Variants in TMTC1 observed in about 807,000 individuals in gnomAD.
TMTC1 encodes the protein protein O-mannosyl-transferase TMTC1.
TMTC1 carries 73 observed loss-of-function variants against 104.8 expected under a neutral mutation model. That is an observed-to-expected ratio of 0.70 (90% CI 0.58 to 0.85). The LOEUF (loss-of-function observed/expected upper bound fraction) is 0.85, where lower values mean the gene tolerates loss of function less well. Ranked by LOEUF, TMTC1 falls within the 40% of genes least tolerant of loss-of-function variation. The probability of loss-of-function intolerance (pLI) is 0.00; values close to 1 mark genes in which losing one functional copy is unlikely to be tolerated. For synonymous variants in TMTC1, 434 were observed against 428.7 expected (o/e 1.01, Z -0.15); for missense variants, 1,035 against 1,096.1 (o/e 0.94, Z 0.79).
intron 2 of TMTC1, among the ~76,000 whole-genome samples, chr12:29,767,197 C>G (rs920046939): frequency 1.8e-4 from 27 of 152,160 alleles, no homozygotes; most frequent in Non-Finnish European, 5.9e-5. Flanking sequence ...AAGTGATCTG[C>G]CTGTCTCAGC....
chr12:29,570,805 C>G (rs1211926454), intron 9 of TMTC1, among the ~76,000 whole-genome samples: 1 of 149,532 alleles, frequency 6.7e-6, no homozygotes, highest in African/African-American at 2.5e-5. Flanking sequence ...GATCGTGCCA[C>G]TGCACTCCAG....
intron 5 of TMTC1, among the ~76,000 whole-genome samples, chr12:29,720,961 G>A (rs1942221559): frequency 6.6e-6 from 1 of 152,126 alleles, no homozygotes; most frequent in Non-Finnish European, 1.5e-5. Flanking sequence ...ACCTACTGAA[G>A]CCAAGAATGG....
intron 10 of TMTC1, among the ~76,000 whole-genome samples, chr12:29,548,743 A>G (rs1229717870): frequency 6.7e-6 from 1 of 148,816 alleles, no homozygotes; most frequent in Admixed American, 6.8e-5. Context: ...TGAAAACATT[A>G]AAGAAACACC....
intron 5 of TMTC1, among the ~76,000 whole-genome samples, chr12:29,708,566 C>T (rs966583555): frequency 6.6e-6 from 1 of 152,090 alleles, no homozygotes; most frequent in African/African-American, 2.4e-5. Context: ...AGTATTTTAC[C>T]CATAAAGCCC....
At chr12:29,595,011 C>T (rs1038365661) in intron 7 of TMTC1, among the ~76,000 whole-genome samples, 5 of 152,152 alleles carry the variant, frequency 3.3e-5, no homozygotes, top group African/African-American at 7.2e-5. Flanking sequence ...CTCATTTGCA[C>T]GAGGTAGATT....
At chr12:29,707,142 G>A (rs561927575) in intron 5 of TMTC1, among the ~76,000 whole-genome samples, 5 of 152,246 alleles carry the variant, frequency 3.3e-5, no homozygotes, top group East Asian at 3.9e-4. Flanking sequence ...TGGATGTCAA[G>A]AGGTGGCTTG....
At chr12:29,751,914 T>C (rs1053795596) in intron 4 of TMTC1, 42 bp from the exon 5 acceptor site, 75 of 1,490,336 alleles carry the variant, frequency 5.0e-5, no homozygotes, top group Non-Finnish European at 6.2e-5. Context: ...TCAACCAGAA[T>C]GACAAGGCTT....
chr12:29,516,594 A>G, intron 14 of TMTC1, 108 bp from the exon 15 acceptor site: 1 of 1,316,088 alleles, frequency 7.6e-7, no homozygotes, highest in Non-Finnish European at 1.0e-6. Context: ...CATGCTCAGC[A>G]TCAATTTAGT....
At chr12:29,691,461 A>C (rs1941264976) in intron 5 of TMTC1, among the ~76,000 whole-genome samples, 1 of 108,990 alleles carries the variant, frequency 9.2e-6, no homozygotes, top group Non-Finnish European at 2.0e-5. Flanking sequence ...CTGGTTTCCC[A>C]CACAGCTGGC....
intron 11 of TMTC1, among the ~76,000 whole-genome samples, chr12:29,526,345 C>G (rs1458439054): frequency 6.6e-6 from 1 of 152,114 alleles, no homozygotes; most frequent in African/African-American, 2.4e-5. Flanking sequence ...TCTCAAAAAC[C>G]AATTTTGTTT....
chr12:29,665,943 C>G (rs977185258), intron 5 of TMTC1, among the ~76,000 whole-genome samples: 1 of 145,536 alleles, frequency 6.9e-6, no homozygotes, highest in African/African-American at 2.4e-5. Flanking sequence ...CCACTGATGC[C>G]CCCCCAACCC....
intron 5 of TMTC1, among the ~76,000 whole-genome samples, chr12:29,642,701 G>A (rs1938909826): frequency 6.6e-6 from 1 of 152,042 alleles, no homozygotes; most frequent in Admixed American, 6.6e-5. Context: ...CGAGGTGGGT[G>A]GATCATGAGG....
intron 6 of TMTC1, among the ~76,000 whole-genome samples, chr12:29,616,529 A>T (rs926605100): frequency 6.6e-6 from 1 of 151,942 alleles, no homozygotes; most frequent in Non-Finnish European, 1.5e-5. Flanking sequence ...TTAGCCAGGC[A>T]TGGTGGTGGA....
At chr12:29,759,616 ATATAAAACCTCAG>A (rs1050205665) in intron 2 of TMTC1, among the ~76,000 whole-genome samples, 1 of 152,212 alleles carries the variant, frequency 6.6e-6, no homozygotes, top group African/African-American at 2.4e-5. Context: ...GGGCCTATAA[ATATAAAACCTCAG>A]TAGCAAAGGG....
rs1002247272 is a variant in TMTC1, at chr12:29,501,295, T to C, written c.*5551A>G. On this transcript the variant is annotated 3_prime_UTR_variant, in exon 18 of 18. Transcript: ENST00000539277. The stretch of plus-strand genomic sequence containing the variant: ...TGGGCAATTCAGTCACTTTTAGGGT[T>C]GTATCATTTAAAAAAGGGGCAACAT... 1 of 152,240 alleles carries C rather than the reference T, an allele frequency of 6.6e-6. No individual in the cohort carries two copies. Among genetic ancestry groups the C allele is most frequent in the Non-Finnish European group, 1.5e-5 (1 of 68,052 alleles). The allele number at this position is 152,240 out of a possible 1,614,324, so 9.4% of individuals were successfully genotyped here. A position where few individuals can be genotyped will look rare whatever the true frequency, so the allele number is the denominator to read the frequency against.
At chr12:29,666,228 CTTTTTT>C (rs751968439) in intron 5 of TMTC1, 24 of 366,276 alleles carry the variant, frequency 6.6e-5, no homozygotes, top group South Asian at 4.0e-4. Flanking sequence ...TTTCTTTTTT[CTTTTTT>C]TTTTTTTTTT....
At chr12:29,768,481 C>T (rs74082523) in intron 1 of TMTC1, among the ~76,000 whole-genome samples, 1,843 of 152,248 alleles carry the variant, frequency 0.012, 34 homozygotes, top group African/African-American at 0.04. Flanking sequence ...GCCACATACA[C>T]CGGAGATGAA....
intron 5 of TMTC1, among the ~76,000 whole-genome samples, chr12:29,651,410 T>C (rs185785663): frequency 3.0e-4 from 45 of 152,316 alleles, no homozygotes. Flanking sequence ...TGATAAATGC[T>C]GAAACTGAGT....
At chr12:29,510,726 C>T (rs1278977116) in intron 17 of TMTC1, among the ~76,000 whole-genome samples, 1 of 152,184 alleles carries the variant, frequency 6.6e-6, no homozygotes, top group Admixed American at 6.5e-5. Context: ...CACTACACTG[C>T]TATTTTATCA....
Sources: allele counts gnomAD v4.1 joint callset (sites outside exome capture counted in the v4.1 genomes callset), GRCh38; gene constraint gnomAD v4.1.1; transcripts MANE v1.5; gene names NCBI Gene and HGNC (gene_info 2026-07-23, HGNC 2026-07-21).